The following EML6 variants were observed in gnomAD, a reference collection of about 807,000 sequenced individuals.
EML6 encodes echinoderm microtubule-associated protein-like 6.
In EML6, 154 loss-of-function variants were observed where a neutral mutation model predicts 240.1. The ratio of observed to expected loss-of-function variants is 0.64; its 90% CI spans 0.56 to 0.73. The LOEUF is 0.73. EML6 is among the 30% of genes least tolerant of loss of function. The probability of loss-of-function intolerance (pLI) is 0.00; values close to 1 mark genes in which losing one functional copy is unlikely to be tolerated. For synonymous variants in EML6, 1,148 were observed against 899.0 expected, an observed-to-expected ratio of 1.28 and a Z score of -4.95; for missense variants, 2,964 against 2,474.6, an observed-to-expected ratio of 1.20 and a Z score of -4.20.
intron 26 of EML6, among the ~76,000 whole-genome samples, chr2:54,924,441 G>C (rs1457354044): frequency 6.6e-6 from 1 of 152,090 alleles, no homozygotes; most frequent in Non-Finnish European, 1.5e-5. Flanking sequence ...TCATTCTTGA[G>C]TTCTGTGTAT....
intron 19 of EML6, among the ~76,000 whole-genome samples, chr2:54,894,419 G>A (rs927635647): frequency 1.6e-4 from 25 of 152,034 alleles, no homozygotes; most frequent in Admixed American, 2.6e-4. Context: ...AAATAGGATC[G>A]TTTCATTATA....
chr2:54,897,812 T>C (rs1672848842), intron 21 of EML6, among the ~76,000 whole-genome samples: 2 of 152,164 alleles, frequency 1.3e-5, no homozygotes. Flanking sequence ...CCAGGTCTGC[T>C]CTGTGCTGTG....
rs371477716 is a variant in EML6, at chr2:54,959,192, C to T, written c.4784C>T (p.Thr1595Ile). 2 of 1,551,566 alleles carry T rather than the reference C, an allele frequency of 1.3e-6. No homozygotes were observed. Among genetic ancestry groups the T allele is most frequent in the Admixed American group, 2.0e-5 (1 of 50,988 alleles). Residue 1595 changes from threonine to isoleucine, a missense_variant, in exon 34 of 42, where the codon ACA becomes ATA. Thr to Ile is a moderately conservative substitution (Grantham distance 89). Coordinates refer to ENST00000356458, the MANE Select transcript of EML6 (RefSeq NM_001039753.4). ...FLIRLVAKAH[T>I]GPVFTMYTTL... Reference sequence around the variant, plus strand: ...ATCCGGCTGGTGGCCAAGGCTCACACAGGCCCCGTGTTCACAATGTACACA... The same window carrying T: ...ATCCGGCTGGTGGCCAAGGCTCACATAGGCCCCGTGTTCACAATGTACACA...
At chr2:54,804,717 C>T (rs138401447) in intron 2 of EML6, among the ~76,000 whole-genome samples, 70 of 152,224 alleles carry the variant, frequency 4.6e-4, no homozygotes, top group African/African-American at 1.6e-3. Context: ...GTAAATTTGC[C>T]CCTGCTCTAG....
In EML6 at chr2:54,755,265, T is replaced by C. The variant is rs547430348; in HGVS notation, c.197+30007T>C. Among the ~76,000 whole-genome samples the C allele has an allele frequency of 5.3e-5, 8 of 152,372 alleles. No individual in the cohort carries two copies. The East Asian group carries it at 1.5e-3, about 29-fold the overall frequency. On this transcript the variant is annotated intron_variant, in intron 2 of 41. Coordinates refer to ENST00000356458, the MANE Select transcript of EML6 (RefSeq NM_001039753.4). ...TTGCACTGACGCCACGCTGTTTTAATTACTGCAGTTTGAACTCTGAGAATA... is the reference window on the plus strand; with the variant it reads ...TTGCACTGACGCCACGCTGTTTTAACTACTGCAGTTTGAACTCTGAGAATA...
intron 39 of EML6, 159 bp downstream of exon 39, chr2:54,967,262 G>A (rs1558735658): frequency 1.1e-5 from 6 of 532,596 alleles, no homozygotes; most frequent in Non-Finnish European, 2.0e-5. Context: ...GGCTAGTCTA[G>A]TTTAGGTCAC....
intron 2 of EML6, among the ~76,000 whole-genome samples, chr2:54,737,018 G>T (rs1027740831): frequency 1.3e-5 from 2 of 152,332 alleles, no homozygotes; most frequent in African/African-American, 4.8e-5. Context: ...AATGCAATGT[G>T]TGACTTTGGA....
intron 28 of EML6, among the ~76,000 whole-genome samples, chr2:54,935,831 A>C (rs1675106880): frequency 6.6e-6 from 1 of 152,192 alleles, no homozygotes; most frequent in Non-Finnish European, 1.5e-5. Context: ...AGTTTAGATG[A>C]GCCTGGGCAA....
chr2:54,876,196 A>T (rs1671499392), intron 16 of EML6, among the ~76,000 whole-genome samples: 1 of 152,226 alleles, frequency 6.6e-6, no homozygotes, highest in Non-Finnish European at 1.5e-5. Context: ...CTGGTCAGAG[A>T]GTAGATTTCC....
intron 7 of EML6, among the ~76,000 whole-genome samples, chr2:54,832,170 G>C (rs1022896221): frequency 5.9e-5 from 9 of 152,136 alleles, no homozygotes; most frequent in Non-Finnish European, 1.0e-4. Context: ...AAGAAGAAAG[G>C]CTCCTGGTTT....
At chr2:54,848,943 G>A (rs752067059) in intron 9 of EML6, among the ~76,000 whole-genome samples, 10 of 152,006 alleles carry the variant, frequency 6.6e-5, no homozygotes, top group Non-Finnish European at 7.4e-5. Context: ...GCGACAATAG[G>A]TATCAAGCTT....
chr2:54,894,954 T>C lies in EML6; in HGVS notation c.2782T>C (p.Trp928Arg), dbSNP rs779646401. The part of the protein sequence containing the change: ...TGGKDGIVEL[W>R]DDMFERCLKT... Reference sequence around the variant, plus strand: ...TGGAAAGGACGGCATCGTGGAGCTCTGGGATGATATGTTTGAAAGATGTTT... The same window carrying C: ...TGGAAAGGACGGCATCGTGGAGCTCCGGGATGATATGTTTGAAAGATGTTT... Residue 928 changes from tryptophan (W) to arginine (R), a missense_variant, in exon 20 of 42, where the codon TGG becomes CGG. Physicochemically the swap from Trp to Arg is moderately radical, Grantham distance 101 (BLOSUM62 -3). Transcript: ENST00000356458. 1 of 1,551,428 alleles carries C rather than the reference T, an allele frequency of 6.4e-7. No homozygotes were observed.
chr2:54,916,874 G>C lies in EML6; in HGVS notation c.3614G>C (p.Cys1205Ser). 2 of 1,550,192 alleles carry C rather than the reference G, an allele frequency of 1.3e-6. No homozygotes were observed. Among genetic ancestry groups the C allele is most frequent in the Non-Finnish European group, 8.7e-7 (1 of 1,145,800 alleles). ...DVNAASLTKDCSLLATGDDFG... is the reference protein window; with the variant it reads ...DVNAASLTKDSSLLATGDDFG... Reference sequence around the variant, plus strand: ...AATGCTGCCAGTCTTACCAAAGACTGTTCCCTTTTAGCCACCGGAGATGAT... The same window carrying C: ...AATGCTGCCAGTCTTACCAAAGACTCTTCCCTTTTAGCCACCGGAGATGAT... The change falls in exon 26 of 42, where the codon TGT becomes TCT. Residue 1205 changes from cysteine to serine, a missense_variant. By Grantham distance (112) the Cys-to-Ser change is moderately radical. Transcript: ENST00000356458.
At chr2:54,877,352 C>T (rs929062769) in intron 16 of EML6, among the ~76,000 whole-genome samples, 3 of 152,098 alleles carry the variant, frequency 2.0e-5, no homozygotes, top group Non-Finnish European at 4.4e-5. Flanking sequence ...CATATTCTGT[C>T]TTTATCTTCT....
chr2:54,890,515 G>C (rs761737066), intron 17 of EML6, among the ~76,000 whole-genome samples: 3 of 152,056 alleles, frequency 2.0e-5, no homozygotes, highest in Non-Finnish European at 4.4e-5. Context: ...AAAGTGCCTC[G>C]AATCAATAGA....
At chr2:54,846,429 A>G (rs1166469646) in intron 8 of EML6, among the ~76,000 whole-genome samples, 1 of 151,472 alleles carries the variant, frequency 6.6e-6, no homozygotes, top group Admixed American at 6.6e-5. Context: ...ATATTGAGAG[A>G]TATATATTTG....
intron 17 of EML6, chr2:54,880,338 G>A (rs1283259712): frequency 6.6e-6 from 1 of 152,230 alleles, no homozygotes; most frequent in Non-Finnish European, 1.5e-5. Context: ...CGTGTTGTCA[G>A]TGTACCTCCC....
chr2:54,941,031 C>T (rs537527422), intron 28 of EML6, among the ~76,000 whole-genome samples: 6 of 152,288 alleles, frequency 3.9e-5, no homozygotes, highest in African/African-American at 1.4e-4. Flanking sequence ...ACCAAATCAC[C>T]GTATATAAGT....
intron 26 of EML6, among the ~76,000 whole-genome samples, chr2:54,927,882 C>T (rs1180819148): frequency 6.6e-6 from 1 of 152,222 alleles, no homozygotes; most frequent in Admixed American, 6.5e-5. Context: ...ATCCTTTGCT[C>T]TTCTGCCACT....
Sources: gnomAD v4.1 joint callset for allele counts (sites outside exome capture counted in the v4.1 genomes callset) on GRCh38, gnomAD v4.1.1 for gene constraint, MANE v1.5 for transcripts, NCBI Gene and HGNC (gene_info 2026-07-23, HGNC 2026-07-21) for gene names.